BANP: variants seen among roughly 807,000 people sequenced by gnomAD.
BANP encodes protein BANP.
In BANP, 11 loss-of-function variants were observed where a neutral mutation model predicts 68.1. The ratio of observed to expected loss-of-function variants is 0.16; its 90% CI spans 0.10 to 0.27. The LOEUF is 0.27. Ranked by LOEUF, BANP falls within the 10% of genes least tolerant of loss-of-function variation. BANP has a pLI of 1.00. For synonymous variants in BANP, 329 were observed against 303.2 expected (o/e 1.09, Z -0.88); for missense variants, 504 against 722.7 (o/e 0.70, Z 3.47).
rs1280569738 is a variant in BANP at position 88,003,046 on chromosome 16, A to G, written c.363-1249A>G. Among the ~76,000 whole-genome samples, 1 of 152,164 alleles carries G rather than the reference A, an allele frequency of 6.6e-6. No homozygotes were observed. The highest frequency in any genetic ancestry group is 2.4e-5 in the African/African-American group (1 of 41,434). ...CTCGTGCAAGTCAGGTAGCCTCTCC[A>G]GTTCTACATCTCTGAGGAGCATAGG... On this transcript the variant is annotated intron_variant, in intron 4 of 13. Transcript: ENST00000682872. The surrounding 1 kb of genome is among the most constrained non-coding windows in gnomAD (Gnocchi z 6.1).
In BANP at chr16:87,978,829, G is replaced by A. The variant is rs1360174361; in HGVS notation, c.71-2207G>A. The A allele has an allele frequency of 1.2e-5, 4 of 332,634 alleles. No homozygotes were observed. In the East Asian group the frequency reaches 3.4e-4, roughly 28 times the overall value. 20.6% of individuals were successfully genotyped at this position (332,634 alleles called of 1,614,324 possible). A position where few individuals can be genotyped will look rare whatever the true frequency, so the allele number is the denominator to read the frequency against. On this transcript the variant is annotated intron_variant, in intron 2 of 13. Transcript: ENST00000682872. ...CTCCCAGGCACAGCTGAGACCAGCT[G>A]CCCCCATCACACAGCAAGCGTCAGG...
intron 11 of BANP, among the ~76,000 whole-genome samples, chr16:88,040,110 A>G (rs1366545531): frequency 6.6e-6 from 1 of 152,190 alleles, no homozygotes; most frequent in Non-Finnish European, 1.5e-5. Flanking sequence ...CACTCAGGGT[A>G]GCGGGCGGAA....
At position 88,003,424 on chromosome 16, in the gene BANP, T is replaced by C. The variant is rs552248571; in HGVS notation, c.363-871T>C. ...TGGAGAGTGAAATCCAAGAATGGAG[T>C]TTTATTGTCAGGTGATAATCACGTT... On this transcript the variant is annotated intron_variant, in intron 4 of 13. Transcript: ENST00000682872. The surrounding 1 kb of genome is among the most constrained non-coding windows in gnomAD (Gnocchi z 6.1). 217 of 455,148 alleles carry C rather than the reference T, an allele frequency of 4.8e-4. 2 individuals are homozygous for C. Among genetic ancestry groups the C allele is most frequent in the Admixed American group, 1.5e-3 (64 of 42,408 alleles). The allele number at this position is 455,148 out of a possible 1,614,324, so 28.2% of individuals were successfully genotyped here. A position where few individuals can be genotyped will look rare whatever the true frequency, so the allele number is the denominator to read the frequency against.
At chr16:88,033,083 C>G (rs577735276) in intron 8 of BANP, 26 bp from the exon 9 acceptor site, 5 of 1,571,848 alleles carry the variant, frequency 3.2e-6, no homozygotes, top group Middle Eastern at 3.6e-4. Flanking sequence ...TCTCGTTCAC[C>G]CCGTTCACAC....
intron 7 of BANP, among the ~76,000 whole-genome samples, chr16:88,019,572 G>GTCC (rs1197418337): frequency 3.2e-5 from 2 of 62,922 alleles, no homozygotes; most frequent in Non-Finnish European, 9.6e-5. Context: ...TGCGGGGGGC[G>GTCC]GGGCGTCCGG....
chr16:88,070,679 G>T (rs1002590431), intron 12 of BANP, among the ~76,000 whole-genome samples: 3 of 152,172 alleles, frequency 2.0e-5, no homozygotes, highest in East Asian at 1.9e-4. Context: ...AGGCCAGCAC[G>T]TGGGGGGCCT....
chr16:88,039,951 T>C (rs1470420429), intron 11 of BANP, among the ~76,000 whole-genome samples: 3 of 152,244 alleles, frequency 2.0e-5, no homozygotes, highest in African/African-American at 4.8e-5. Context: ...AAAGCTGCCG[T>C]ACTACCACTT....
chr16:88,028,070 TAATGG>T (rs147535232), intron 8 of BANP, among the ~76,000 whole-genome samples: 1,653 of 152,366 alleles, frequency 0.011, 8 homozygotes, highest in Middle Eastern at 0.02. Context: ...ATCCACAAGA[TAATGG>T]AAACAGTTCT....
At chr16:87,972,887 G>A (rs561664393) in intron 1 of BANP, among the ~76,000 whole-genome samples, 45 of 152,250 alleles carry the variant, frequency 3.0e-4, no homozygotes, top group African/African-American at 1.1e-3. Context: ...GAACACTCTG[G>A]CCTCTGGGTC....
At chr16:88,074,575 G>C (rs539225233) in intron 13 of BANP, among the ~76,000 whole-genome samples, 2 of 152,260 alleles carry the variant, frequency 1.3e-5, no homozygotes, top group South Asian at 4.1e-4. Context: ...ACTGTCCTTG[G>C]AGGGCAAGTG....
chr16:88,072,397 T>A (rs1314534134), intron 13 of BANP, among the ~76,000 whole-genome samples, 185 bp downstream of exon 13: 1 of 152,246 alleles, frequency 6.6e-6, no homozygotes, highest in Admixed American at 6.5e-5. Context: ...GGTGAGAAGG[T>A]AGATCCTGCC....
At chr16:88,072,281 A>T (rs2090541334) in intron 13 of BANP, 69 bp downstream of exon 13, 2 of 1,527,758 alleles carry the variant, frequency 1.3e-6, no homozygotes, top group Non-Finnish European at 8.8e-7. Flanking sequence ...CACCGGGCAC[A>T]CGTGGCCCCG....
chr16:87,998,611 C>T (rs2067987067), intron 4 of BANP, among the ~76,000 whole-genome samples: 1 of 75,026 alleles, frequency 1.3e-5, no homozygotes, highest in African/African-American at 3.9e-5. Flanking sequence ...CGTCTCCATG[C>T]CCGCACGTGC....
intron 6 of BANP, among the ~76,000 whole-genome samples, chr16:88,015,490 C>T (rs1015898297): frequency 6.6e-6 from 1 of 152,254 alleles, no homozygotes; most frequent in Non-Finnish European, 1.5e-5. Flanking sequence ...CACGCTGGTT[C>T]CCTTACCTTC....
intron 4 of BANP, among the ~76,000 whole-genome samples, chr16:87,985,552 G>C (rs1168466841): frequency 6.6e-6 from 1 of 151,924 alleles, no homozygotes; most frequent in Non-Finnish European, 1.5e-5. Context: ...GCAGTTCTTA[G>C]AAAATATAAT....
chr16:87,951,985 G>A (rs573645239), intron 1 of BANP, among the ~76,000 whole-genome samples: 12 of 151,916 alleles, frequency 7.9e-5, no homozygotes, highest in African/African-American at 1.9e-4. Context: ...CGTGGCTGTG[G>A]ACCGGAGCCC....
intron 11 of BANP, among the ~76,000 whole-genome samples, chr16:88,061,882 C>T (rs1403186453): frequency 6.6e-6 from 1 of 152,088 alleles, no homozygotes; most frequent in Admixed American, 6.5e-5. Flanking sequence ...TCAGGCTGGT[C>T]TCCCAACCTC....
chr16:88,053,818 A>G (rs2084077653), intron 11 of BANP, among the ~76,000 whole-genome samples: 3 of 149,162 alleles, frequency 2.0e-5, no homozygotes, highest in African/African-American at 7.6e-5. Context: ...TATCTCCATC[A>G]TCACCAACAC....
chr16:88,004,441 C>G lies in BANP; in HGVS notation c.479+30C>G. On this transcript the variant is annotated intron_variant, in intron 5 of 13. Coordinates refer to ENST00000682872, the MANE Select transcript of BANP (RefSeq NM_001386991.1). The surrounding 1 kb of genome is among the most constrained non-coding windows in gnomAD (Gnocchi z 7.0). ...GTAGCACGGCACCAACCCCACCTTTCCCTGCCACTGTGCGGAGTCCCATGA... is the reference window on the plus strand; with the variant it reads ...GTAGCACGGCACCAACCCCACCTTTGCCTGCCACTGTGCGGAGTCCCATGA... 8.0e-7 allele frequency: 1 copy of G among 1,254,130 alleles called. No homozygotes were observed. 77.7% of individuals were successfully genotyped at this position (1,254,130 alleles called of 1,614,324 possible).
Sources: gnomAD v4.1 joint callset for allele counts (sites outside exome capture counted in the v4.1 genomes callset) on GRCh38, gnomAD v4.1.1 for gene constraint, Gnocchi (gnomAD v3.1) non-coding constraint, MANE v1.5 for transcripts, NCBI Gene and HGNC (gene_info 2026-07-23, HGNC 2026-07-21) for gene names.